MCC: variants seen among roughly 807,000 people sequenced by gnomAD.
MCC encodes MCC regulator of Wnt signaling pathway.
In MCC, 90 loss-of-function variants were observed where a neutral mutation model predicts 116.2. The observed-to-expected ratio is 0.77, with a 90% CI of 0.65 to 0.92. The LOEUF (loss-of-function observed/expected upper bound fraction) is 0.92. Among genes scored for constraint, MCC ranks in the 40% least tolerant of loss-of-function variants. The probability of loss-of-function intolerance (pLI) is 0.00; values close to 1 mark genes in which losing one functional copy is unlikely to be tolerated. For missense variants in MCC, 1,516 were observed against 1,312.2 expected (o/e 1.16, Z -2.40); for synonymous variants, 578 against 510.5 (o/e 1.13, Z -1.78).
At chr5:113,173,080 C>A (rs1213610804) in intron 3 of MCC, among the ~76,000 whole-genome samples, 1 of 152,152 alleles carries the variant, frequency 6.6e-6, no homozygotes, top group Admixed American at 6.5e-5. Flanking sequence ...TGCAAATACT[C>A]TTTCCCAGTG....
chr5:113,182,257 C>T (rs1004988556), intron 3 of MCC, among the ~76,000 whole-genome samples: 17 of 152,120 alleles, frequency 1.1e-4, no homozygotes, highest in South Asian at 2.1e-4. Context: ...TAGTATTTAC[C>T]GGATGGCCTC....
chr5:113,318,128 T>A (rs1219213455), intron 3 of MCC, among the ~76,000 whole-genome samples: 1 of 151,820 alleles, frequency 6.6e-6, no homozygotes, highest in Non-Finnish European at 1.5e-5. Context: ...TCTTGAAGAG[T>A]TTAGTTAGCT....
Position 113,043,525 on chromosome 5 carries a change from CT to C in MCC, c.2756+4del. ...CACCAGCTGGGGTGGGGAAAGGGTG[CT>C]TACCGACGAATGGCGTTGGTGAACT... On this transcript the variant is annotated splice_donor_region_variant and intron_variant, in intron 17 of 18. Transcript: ENST00000408903. 1 of 1,613,198 alleles carries C rather than the reference CT, an allele frequency of 6.2e-7. No homozygotes were observed. Among genetic ancestry groups the C allele is most frequent in the Non-Finnish European group, 8.5e-7 (1 of 1,179,414 alleles).
intron 2 of MCC, among the ~76,000 whole-genome samples, chr5:113,346,298 G>C (rs1253213650): frequency 6.6e-6 from 1 of 152,104 alleles, no homozygotes; most frequent in African/African-American, 2.4e-5. Context: ...GATAGGGGTA[G>C]AAAGTTTATT....
In MCC at chr5:113,290,943, C is replaced by A. The variant is rs143616091; in HGVS notation, c.627+49576G>T. 2.7e-3 allele frequency among the ~76,000 whole-genome samples: 415 copies of A among 152,232 alleles called. 3 individuals carry two copies. The highest frequency in any genetic ancestry group is 0.025 in the Admixed American group (375 of 15,298). On this transcript the variant is annotated intron_variant, in intron 3 of 18. Coordinates refer to ENST00000408903, the MANE Select transcript of MCC (RefSeq NM_001085377.2). The stretch of plus-strand genomic sequence containing the variant: ...AAAAAGAACAAATCACTAGTTTATC[C>A]GTCTACATTTTCCTTTTGTATTTCT...
At chr5:113,299,527 T>C (rs893510685) in intron 3 of MCC, among the ~76,000 whole-genome samples, 1 of 152,132 alleles carries the variant, frequency 6.6e-6, no homozygotes, top group African/African-American at 2.4e-5. Flanking sequence ...ACTGGGTCAA[T>C]ATTATAAGAA....
intron 1 of MCC, among the ~76,000 whole-genome samples, chr5:113,449,927 G>C (rs570265741): frequency 4.6e-5 from 7 of 152,252 alleles, no homozygotes; most frequent in African/African-American, 1.4e-4. Flanking sequence ...GCTGCATTTG[G>C]AGTATGATTT....
intron 16 of MCC, among the ~76,000 whole-genome samples, chr5:113,046,454 A>G (rs1561749724): frequency 6.6e-6 from 1 of 152,000 alleles, no homozygotes; most frequent in Admixed American, 6.6e-5. Context: ...GGGTTCCCAA[A>G]GTACTGGGAT....
intron 2 of MCC, among the ~76,000 whole-genome samples, chr5:113,357,047 G>A (rs954332627): frequency 3.9e-5 from 6 of 152,210 alleles, no homozygotes; most frequent in South Asian, 4.1e-4. Flanking sequence ...ATGCTGCTTA[G>A]TATCAGGTTT....
chr5:113,291,058 TTGAA>T (rs1453820725), intron 3 of MCC, among the ~76,000 whole-genome samples: 1 of 152,206 alleles, frequency 6.6e-6, no homozygotes, highest in Non-Finnish European at 1.5e-5. Context: ...AAAAATATGT[TTGAA>T]TGTTCATAGA....
intron 1 of MCC, among the ~76,000 whole-genome samples, chr5:113,483,600 T>C (rs1216504139): frequency 5.3e-5 from 8 of 152,178 alleles, no homozygotes; most frequent in African/African-American, 1.7e-4. Context: ...AAGAAGTTAT[T>C]TTTAAAGAAA....
At chr5:113,068,313 AC>A (rs1199990496) in intron 12 of MCC, 130 bp from the exon 13 acceptor site, 1 of 655,814 alleles carries the variant, frequency 1.5e-6, no homozygotes, top group Admixed American at 2.3e-5. Flanking sequence ...CAAGGAAACC[AC>A]CCATGAATAT....
intron 3 of MCC, among the ~76,000 whole-genome samples, chr5:113,286,909 C>A (rs965391708): frequency 6.6e-6 from 1 of 152,134 alleles, no homozygotes; most frequent in South Asian, 2.1e-4. Flanking sequence ...TTCTAGTCAA[C>A]AAGAGAAAAA....
chr5:113,095,276 C>T (rs1430526343), intron 8 of MCC, among the ~76,000 whole-genome samples: 1 of 152,142 alleles, frequency 6.6e-6, no homozygotes, highest in Non-Finnish European at 1.5e-5. Context: ...ACAATGACAA[C>T]TGCCTCCCCT....
chr5:113,255,686 G>A (rs974274883), intron 3 of MCC, among the ~76,000 whole-genome samples: 3 of 152,130 alleles, frequency 2.0e-5, no homozygotes, highest in Non-Finnish European at 2.9e-5. Context: ...GGAATATGCT[G>A]GGTAGGTTTC....
rs578255951 is a variant in MCC at position 113,166,828 on chromosome 5, T to G, written c.628-15406A>C. On this transcript the variant is annotated intron_variant, in intron 3 of 18. Coordinates refer to ENST00000408903, the MANE Select transcript of MCC (RefSeq NM_001085377.2). ...CAGAGGTAAGGAGAACAGAGGCAAA[T>G]TAGCACTAGCTGCCAAGCATATGAT... Among the ~76,000 whole-genome samples the G allele has an allele frequency of 5.3e-5, 8 of 151,554 alleles. No homozygotes were observed. In the East Asian group the frequency reaches 1.6e-3, roughly 29 times the overall value.
intron 6 of MCC, among the ~76,000 whole-genome samples, chr5:113,116,827 A>G (rs1757424599): frequency 6.6e-6 from 1 of 152,220 alleles, no homozygotes; most frequent in African/African-American, 2.4e-5. Context: ...TCAGATCCCT[A>G]GGAGAAAACA....
At chr5:113,143,673 A>C (rs1759323852) in intron 4 of MCC, among the ~76,000 whole-genome samples, 1 of 152,158 alleles carries the variant, frequency 6.6e-6, no homozygotes, top group Non-Finnish European at 1.5e-5. Context: ...AGAAACAGGC[A>C]AGTGGTCCAA....
rs1561561829 is a variant in MCC at position 113,419,967 on chromosome 5, C to T, written c.171-34755G>A. 4.7e-5 allele frequency among the ~76,000 whole-genome samples: 7 copies of T among 150,260 alleles called. No individual in the cohort carries two copies. In the South Asian group the frequency reaches 1.1e-3, roughly 23 times the overall value. ...AGCACACCAACATGGCACATGTATA[C>T]ATATGTAACAAACCTGCACGTTGTG... On this transcript the variant is annotated intron_variant, in intron 1 of 18. Transcript: ENST00000408903.
Sources: gnomAD v4.1 joint callset for allele counts (sites outside exome capture counted in the v4.1 genomes callset) on GRCh38, gnomAD v4.1.1 for gene constraint, MANE v1.5 for transcripts, NCBI Gene and HGNC (gene_info 2026-07-23, HGNC 2026-07-21) for gene names.